LRMDA: variants seen among roughly 807,000 people sequenced by gnomAD.
The protein encoded by LRMDA is leucine-rich melanocyte differentiation-associated protein.
Under a neutral mutation model 29.8 loss-of-function variants are expected in LRMDA, and 18 were observed. That is an observed-to-expected ratio of 0.60 (90% CI 0.42 to 0.90). The LOEUF (loss-of-function observed/expected upper bound fraction) is 0.90, where lower values mean the gene tolerates loss of function less well. Among genes scored for constraint, LRMDA ranks in the 40% least tolerant of loss-of-function variants. The pLI, the probability that LRMDA is intolerant of heterozygous loss-of-function variation, is 0.00. For missense variants in LRMDA, 273 were observed against 273.9 expected, an observed-to-expected ratio of 1.00 and a Z score of 0.02; for synonymous variants, 125 against 109.4, an observed-to-expected ratio of 1.14 and a Z score of -0.89.
chr10:76,292,502 A>G (rs1194852270), intron 5 of LRMDA, among the ~76,000 whole-genome samples: 2 of 152,150 alleles, frequency 1.3e-5, no homozygotes, highest in Non-Finnish European at 2.9e-5. Context: ...AATTTGCTTG[A>G]AATGTAGCTG....
chr10:76,319,849 G>A (rs1840747254), intron 5 of LRMDA, among the ~76,000 whole-genome samples: 2 of 152,128 alleles, frequency 1.3e-5, no homozygotes, highest in African/African-American at 4.8e-5. Flanking sequence ...TGAGTGATGG[G>A]GAATGAGTTG....
At chr10:76,368,183 T>C (rs924352988) in intron 6 of LRMDA, among the ~76,000 whole-genome samples, 1 of 152,184 alleles carries the variant, frequency 6.6e-6, no homozygotes, top group East Asian at 1.9e-4. Flanking sequence ...TTTTGAGGTG[T>C]TACTGTAAAT....
chr10:76,333,411 G>C (rs1840928086), intron 6 of LRMDA, among the ~76,000 whole-genome samples: 1 of 152,300 alleles, frequency 6.6e-6, no homozygotes, highest in East Asian at 1.9e-4. Context: ...TAGATTTCCA[G>C]ATAACCAGGT....
chr10:75,867,311 C>T (rs182578975), intron 2 of LRMDA, among the ~76,000 whole-genome samples: 62 of 152,156 alleles, frequency 4.1e-4, no homozygotes, highest in East Asian at 2.1e-3. Context: ...TACAGGCACC[C>T]GCCACCACGC....
intron 2 of LRMDA, among the ~76,000 whole-genome samples, chr10:75,583,806 C>G (rs1840623958): frequency 6.6e-6 from 1 of 152,166 alleles, no homozygotes; most frequent in Non-Finnish European, 1.5e-5. Context: ...CCCAATTTTA[C>G]CACCTAAACA....
intron 6 of LRMDA, among the ~76,000 whole-genome samples, chr10:76,430,151 C>T (rs907265395): frequency 6.6e-6 from 1 of 152,022 alleles, no homozygotes; most frequent in Non-Finnish European, 1.5e-5. Flanking sequence ...GTATATTTTC[C>T]CCCATCTCTG....
intron 5 of LRMDA, among the ~76,000 whole-genome samples, chr10:76,293,139 C>T (rs987530594): frequency 1.3e-5 from 2 of 152,134 alleles, no homozygotes; most frequent in Non-Finnish European, 2.9e-5. Flanking sequence ...TGCCACCACA[C>T]CTGGCTAATT....
At chr10:76,343,524 T>G (rs1395391310) in intron 6 of LRMDA, among the ~76,000 whole-genome samples, 1 of 152,126 alleles carries the variant, frequency 6.6e-6, no homozygotes, top group Non-Finnish European at 1.5e-5. Context: ...AACCCATAAT[T>G]ATATGGATGC....
intron 2 of LRMDA, among the ~76,000 whole-genome samples, chr10:75,906,458 A>G (rs1369299063): frequency 6.6e-6 from 1 of 152,198 alleles, no homozygotes; most frequent in Non-Finnish European, 1.5e-5. Flanking sequence ...CTAACCAGGT[A>G]TAGAGCTAAC....
intron 2 of LRMDA, among the ~76,000 whole-genome samples, chr10:76,002,046 A>T (rs772603196): frequency 1.3e-5 from 2 of 152,216 alleles, no homozygotes; most frequent in Non-Finnish European, 2.9e-5. Flanking sequence ...TTAAACACAG[A>T]CATTTGTTTC....
chr10:76,527,847 C>A (rs1386302178), intron 6 of LRMDA, among the ~76,000 whole-genome samples: 1 of 152,032 alleles, frequency 6.6e-6, no homozygotes, highest in Non-Finnish European at 1.5e-5. Context: ...AAAGAATAAC[C>A]ATATCCTTCT....
At chr10:76,234,728 C>T (rs980313787) in intron 5 of LRMDA, among the ~76,000 whole-genome samples, 3 of 152,180 alleles carry the variant, frequency 2.0e-5, no homozygotes, top group African/African-American at 7.2e-5. Context: ...ACCTTATGAA[C>T]CAACCTCTCT....
At chr10:75,961,562 A>G (rs1456993824) in intron 2 of LRMDA, among the ~76,000 whole-genome samples, 2 of 152,314 alleles carry the variant, frequency 1.3e-5, no homozygotes, top group Middle Eastern at 6.8e-3. Context: ...ATTGGAGTGA[A>G]GCCTGAAGCA....
intron 6 of LRMDA, among the ~76,000 whole-genome samples, chr10:76,376,182 A>G (rs997726243): frequency 1.3e-5 from 2 of 152,096 alleles, no homozygotes; most frequent in African/African-American, 4.8e-5. Context: ...TCCAGTGTCT[A>G]TTATTCCATT....
At chr10:75,599,318 C>A (rs966453330) in intron 2 of LRMDA, among the ~76,000 whole-genome samples, 4 of 152,134 alleles carry the variant, frequency 2.6e-5, no homozygotes, top group Admixed American at 1.3e-4. Flanking sequence ...ATGCTGGCTC[C>A]TGTGTGATAT....
chr10:75,651,192 G>A (rs1406062749), intron 2 of LRMDA, among the ~76,000 whole-genome samples: 1 of 152,094 alleles, frequency 6.6e-6, no homozygotes, highest in Non-Finnish European at 1.5e-5. Context: ...TTGCTGTATG[G>A]CAAGAGACAG....
intron 4 of LRMDA, among the ~76,000 whole-genome samples, chr10:76,052,496 C>G (rs1018497672): frequency 3.3e-5 from 5 of 152,114 alleles, no homozygotes; most frequent in African/African-American, 9.7e-5. Flanking sequence ...ACATCCTCCT[C>G]TCTCTCTCAG....
chr10:75,668,885 G>A (rs1841858156), intron 2 of LRMDA, among the ~76,000 whole-genome samples: 1 of 152,166 alleles, frequency 6.6e-6, no homozygotes, highest in Non-Finnish European at 1.5e-5. Context: ...TGTATCTACT[G>A]TGTGCTGGAC....
intron 2 of LRMDA, among the ~76,000 whole-genome samples, chr10:75,635,935 G>A (rs186699253): frequency 2.0e-5 from 3 of 152,248 alleles, no homozygotes; most frequent in Non-Finnish European, 2.9e-5. Context: ...GCTGGAGTGG[G>A]AAGTCCTTGT....
Sources: gnomAD v4.1 joint callset for allele counts (sites outside exome capture counted in the v4.1 genomes callset) on GRCh38, gnomAD v4.1.1 for gene constraint, MANE v1.5 for transcripts, NCBI Gene and HGNC (gene_info 2026-07-23, HGNC 2026-07-21) for gene names.